The following SPAG16 variants were observed in gnomAD, a reference collection of about 807,000 sequenced individuals.
SPAG16 encodes the protein sperm-associated antigen 16 protein.
A neutral mutation model predicts 80.4 loss-of-function variants in SPAG16; 86 were observed. The ratio of observed to expected loss-of-function variants is 1.07; its 90% CI spans 0.90 to 1.28. SPAG16 has a LOEUF of 1.28. Among genes scored for constraint, SPAG16 ranks in the 50% most tolerant of loss-of-function variants. The pLI is 0.00. For missense variants in SPAG16, 870 were observed against 765.3 expected (o/e 1.14, Z -1.61); for synonymous variants, 294 against 265.9 (o/e 1.11, Z -1.03).
At chr2:213,441,410 G>A (rs1025126183) in intron 9 of SPAG16, among the ~76,000 whole-genome samples, 12 of 152,128 alleles carry the variant, frequency 7.9e-5, no homozygotes, top group Admixed American at 2.0e-4. Context: ...TACATATGCA[G>A]ATCTATATAT....
intron 13 of SPAG16, among the ~76,000 whole-genome samples, chr2:214,102,933 T>C (rs1239042143): frequency 6.6e-6 from 1 of 152,156 alleles, no homozygotes; most frequent in Non-Finnish European, 1.5e-5. Flanking sequence ...GCCTTTAACC[T>C]TGTTGCTAGG....
rs535102578 is a variant in SPAG16, at chr2:213,906,455, A to C, written c.1215-23505A>C. ...GGCCGTAATACCCAAAGTGACCTAC[A>C]GATTTAATGCAGTCTCTATCAAAAT... is the stretch of plus-strand genomic sequence containing the variant. On this transcript the variant is annotated intron_variant, in intron 11 of 15. Transcript: ENST00000331683. Among the ~76,000 whole-genome samples, 3 of 152,306 alleles carry C rather than the reference A, an allele frequency of 2.0e-5. No individual in the cohort carries two copies. The East Asian group carries it at 5.8e-4, about 29-fold the overall frequency.
intron 13 of SPAG16, among the ~76,000 whole-genome samples, chr2:214,105,246 A>T (rs1347565720): frequency 6.6e-6 from 1 of 152,140 alleles, no homozygotes; most frequent in African/African-American, 2.4e-5. Context: ...AGGCAAATAG[A>T]CATTCAAAGT....
At chr2:213,353,103 T>C (rs1021625778) in intron 7 of SPAG16, among the ~76,000 whole-genome samples, 12 of 152,202 alleles carry the variant, frequency 7.9e-5, no homozygotes, top group African/African-American at 2.9e-4. Context: ...CAGTGTACTG[T>C]GACTTGTTTG....
chr2:213,396,794 A>C, intron 9 of SPAG16: 2 of 347,348 alleles, frequency 5.8e-6, no homozygotes, highest in Non-Finnish European at 1.2e-5. Context: ...TTTCGTCAAC[A>C]CCCATACCCT....
intron 15 of SPAG16, among the ~76,000 whole-genome samples, chr2:214,386,251 T>G (rs74947590): frequency 0.011 from 1,714 of 152,036 alleles, 19 homozygotes; most frequent in Middle Eastern, 0.041. Context: ...GGCATTCGCC[T>G]GTAATCCCAG....
intron 6 of SPAG16, among the ~76,000 whole-genome samples, chr2:213,347,158 C>G (rs2065042405): frequency 6.6e-6 from 1 of 152,062 alleles, no homozygotes. Flanking sequence ...TCTAGATTTT[C>G]TAGTTTATTT....
chr2:213,552,930 G>A (rs1426003169), intron 10 of SPAG16, among the ~76,000 whole-genome samples: 2 of 152,128 alleles, frequency 1.3e-5, no homozygotes, highest in Non-Finnish European at 2.9e-5. Flanking sequence ...TGGACTCTTG[G>A]ACCTACACCA....
intron 10 of SPAG16, among the ~76,000 whole-genome samples, chr2:213,802,301 C>T (rs933299669): frequency 6.6e-6 from 1 of 152,036 alleles, no homozygotes; most frequent in Non-Finnish European, 1.5e-5. Flanking sequence ...GACTCATTGC[C>T]CTTCTTTACC....
intron 13 of SPAG16, among the ~76,000 whole-genome samples, chr2:214,078,554 AT>A (rs949385847): frequency 2.8e-5 from 4 of 141,222 alleles, no homozygotes; most frequent in Admixed American, 7.2e-5. Flanking sequence ...AAAAAAAAAA[AT>A]CTGTTATTTA....
chr2:213,386,814 A>G (rs16850256), intron 9 of SPAG16, among the ~76,000 whole-genome samples: 9,098 of 152,248 alleles, frequency 0.06, 903 homozygotes, highest in African/African-American at 0.21. Context: ...GATTACTAAA[A>G]TAGTCAGTGG....
intron 10 of SPAG16, among the ~76,000 whole-genome samples, chr2:213,530,219 G>T (rs185411694): frequency 6.6e-6 from 1 of 152,252 alleles, no homozygotes; most frequent in East Asian, 1.9e-4. Context: ...TATCATTACC[G>T]AGTATTATGT....
intron 12 of SPAG16, among the ~76,000 whole-genome samples, chr2:213,957,886 T>C (rs1035574014): frequency 1.3e-5 from 2 of 152,156 alleles, no homozygotes; most frequent in Non-Finnish European, 2.9e-5. Flanking sequence ...CTCTTTCTGG[T>C]AAGTGGCCAT....
chr2:213,534,248 T>C (rs1477043046), intron 10 of SPAG16, among the ~76,000 whole-genome samples: 1 of 152,152 alleles, frequency 6.6e-6, no homozygotes, highest in African/African-American at 2.4e-5. Context: ...TTTGGTTGTT[T>C]TACATTATGT....
At chr2:213,349,779 G>A (rs74853281) in intron 6 of SPAG16, among the ~76,000 whole-genome samples, 3,620 of 152,154 alleles carry the variant, frequency 0.024, 62 homozygotes, top group African/African-American at 0.039. Flanking sequence ...ACATTACACT[G>A]AGTGAAATAA....
chr2:213,834,067 G>C (rs1008852891), intron 10 of SPAG16, among the ~76,000 whole-genome samples: 1 of 152,082 alleles, frequency 6.6e-6, no homozygotes, highest in Non-Finnish European at 1.5e-5. Flanking sequence ...CATGAGCTCT[G>C]ATGGGTCTAT....
At chr2:213,833,234 T>C (rs2073775133) in intron 10 of SPAG16, among the ~76,000 whole-genome samples, 1 of 149,660 alleles carries the variant, frequency 6.7e-6, no homozygotes, top group African/African-American at 2.5e-5. Context: ...TCTTGTAGAC[T>C]GTAAATGCTA....
At chr2:213,335,510 T>TA (rs2064310597) in intron 5 of SPAG16, among the ~76,000 whole-genome samples, 1 of 152,212 alleles carries the variant, frequency 6.6e-6, no homozygotes, top group African/African-American at 2.4e-5. Flanking sequence ...TTAGAAAAGA[T>TA]AAAAAGCACT....
chr2:213,545,613 T>C (rs1345975683), intron 10 of SPAG16, among the ~76,000 whole-genome samples: 1 of 151,516 alleles, frequency 6.6e-6, no homozygotes, highest in Non-Finnish European at 1.5e-5. Flanking sequence ...TGAAACGTGA[T>C]CAATTATGGA....
Sources: allele counts gnomAD v4.1 joint callset (sites outside exome capture counted in the v4.1 genomes callset), GRCh38; gene constraint gnomAD v4.1.1; transcripts MANE v1.5; gene names NCBI Gene and HGNC (gene_info 2026-07-23, HGNC 2026-07-21).